The following KRT86 variants were observed in gnomAD, a reference collection of about 807,000 sequenced individuals.
KRT86 encodes the protein keratin, type II cuticular Hb6.
Under a neutral mutation model 41.2 loss-of-function variants are expected in KRT86, and 30 were observed. The ratio of observed to expected loss-of-function variants is 0.73; its 90% confidence interval spans 0.54 to 0.99. The LOEUF (loss-of-function observed/expected upper bound fraction) is 0.99. Among genes scored for constraint, KRT86 ranks in the 50% least tolerant of loss-of-function variants. The pLI, the probability that KRT86 is intolerant of heterozygous loss-of-function variation, is 0.00. For synonymous variants in KRT86, 238 were observed against 238.1 expected (o/e 1.00, Z 0.00); for missense variants, 561 against 571.4 (o/e 0.98, Z 0.19).
chr12:52,292,346 T>A (rs1484817133), intron 2 of KRT86, among the ~76,000 whole-genome samples: 1 of 152,254 alleles, frequency 6.6e-6, no homozygotes. Context: ...AAATTAACAA[T>A]AATTCCAAAG....
intron 2 of KRT86, among the ~76,000 whole-genome samples, chr12:52,300,974 C>T (rs1938358958): frequency 6.6e-6 from 1 of 152,116 alleles, no homozygotes; most frequent in Admixed American, 6.5e-5. Context: ...GCATGGGACA[C>T]TCTGAGGGAG....
At chr12:52,306,394 C>T (rs1251116906) in intron 9 of KRT86, 114 bp downstream of exon 9, 3 of 1,519,052 alleles carry the variant, frequency 2.0e-6, no homozygotes, top group African/African-American at 2.8e-5. Context: ...ACCCTGCAAC[C>T]AGACAGGTAA....
Position 52,306,124 on chromosome 12 carries a change from C to G in KRT86, c.1091C>G (p.Ala364Gly). Reference sequence around the variant, plus strand: ...CAGGGTGAGGCGGCCCTCAGCGATGCCCGCTGCAAGTTGGCCGAGCTGGAG... The same window carrying G: ...CAGGGTGAGGCGGCCCTCAGCGATGGCCGCTGCAAGTTGGCCGAGCTGGAG... ...EQQGEAALSD[A>G]RCKLAELEGA... Residue 364 changes from alanine (A) to glycine (G), a missense_variant, in exon 9 of 11, where the codon GCC (alanine) becomes GGC (glycine). By Grantham distance (60) the Ala-to-Gly change is moderately conservative. This residue lies in a region of KRT86 where 397 missense variants were observed against 375.9 expected (regional missense o/e 1.06). Coordinates refer to ENST00000423955, the MANE Select transcript of KRT86 (RefSeq NM_001320198.2). The G allele has an allele frequency of 6.2e-7, 1 of 1,614,026 alleles. No individual in the cohort carries two copies.
chr12:52,295,616 T>G (rs1438166544), intron 2 of KRT86, among the ~76,000 whole-genome samples: 1 of 152,184 alleles, frequency 6.6e-6, no homozygotes, highest in Non-Finnish European at 1.5e-5. Context: ...CTTGGCAAGC[T>G]TCCAGTATTA....
intron 2 of KRT86, among the ~76,000 whole-genome samples, chr12:52,283,523 G>T (rs1472754136): frequency 2.3e-5 from 3 of 130,270 alleles, no homozygotes; most frequent in Non-Finnish European, 4.7e-5. Context: ...TTGTTGCCCA[G>T]GCTGGAATGC....
intron 2 of KRT86, among the ~76,000 whole-genome samples, chr12:52,281,549 G>A (rs1428999552): frequency 6.6e-6 from 1 of 152,102 alleles, no homozygotes; most frequent in African/African-American, 2.4e-5. Flanking sequence ...GAGTCTAAAT[G>A]CAGTCCTTCC....
chr12:52,291,543 A>T, intron 2 of KRT86: 1 of 1,576,922 alleles, frequency 6.3e-7, no homozygotes, highest in Non-Finnish European at 8.6e-7. Context: ...TGTGCTCCTC[A>T]GGGCACCGCA....
chr12:52,291,347 C>A, intron 2 of KRT86: 1 of 1,581,410 alleles, frequency 6.3e-7, no homozygotes, highest in Non-Finnish European at 8.6e-7. Context: ...CCCGGTGAGG[C>A]CGCGGTAGCA....
At chr12:52,306,302 C>T (rs766412590) in intron 9 of KRT86, 22 bp downstream of exon 9, 2 of 1,613,058 alleles carry the variant, frequency 1.2e-6, no homozygotes, top group South Asian at 2.2e-5. Context: ...AGACCTTTCC[C>T]TTTCCCAGCC....
At chr12:52,286,579 C>T in intron 2 of KRT86, 1 of 1,395,160 alleles carries the variant, frequency 7.2e-7, no homozygotes. Flanking sequence ...GACCTGAGCT[C>T]TGGTATGAAA....
In KRT86 at chr12:52,302,112, C is replaced by A. The variant is rs758364190; in HGVS notation, c.196C>A (p.Arg66Ser). Reference protein sequence around the residue: ...AGSCGRSFGYRSGGVCGPSPP... With the variant: ...AGSCGRSFGYSSGGVCGPSPP... ...CTCCTGCGGACGCAGCTTCGGCTAC[C>A]GCTCCGGGGGCGTGTGCGGGCCCAG... Residue 66 changes from arginine to serine, a missense_variant, in exon 3 of 11, where the codon CGC (arginine) becomes AGC (serine). By Grantham distance (110) the Arg-to-Ser change is moderately radical (BLOSUM62 -1). Coordinates refer to ENST00000423955, the MANE Select transcript of KRT86 (RefSeq NM_001320198.2). The A allele has an allele frequency of 3.3e-5, 51 of 1,560,056 alleles. No individual in the cohort carries two copies. The highest frequency in any genetic ancestry group is 4.0e-5 in the Non-Finnish European group (46 of 1,153,968).
chr12:52,307,601 T>C (rs190786305), intron 9 of KRT86, among the ~76,000 whole-genome samples: 22 of 152,348 alleles, frequency 1.4e-4, no homozygotes, highest in Non-Finnish European at 2.8e-4. Flanking sequence ...TGTCATTGGA[T>C]ATGTCCTCCT....
chr12:52,291,539 C>A, intron 2 of KRT86: 1 of 1,585,622 alleles, frequency 6.3e-7, no homozygotes, highest in Non-Finnish European at 8.6e-7. Flanking sequence ...CCAATGTGCT[C>A]CTCAGGGCAC....
Position 52,308,253 on chromosome 12 carries a change from C to T in KRT86, c.1268C>T (p.Ser423Leu). ...EEQRLCEGVG[S>L]VNVCVSSSRG... The stretch of plus-strand genomic sequence containing the variant: ...TGCAGGCTGTGCGAGGGCGTCGGCT[C>T]GGTGAATGTCTGTAAGTAGTGGGGT... Residue 423 changes from serine to leucine, a missense_variant, in exon 10 of 11, where the codon TCG becomes TTG. By Grantham distance (145) the Ser-to-Leu change is moderately radical. This residue lies in a region of KRT86 where 397 missense variants were observed against 375.9 expected (regional missense o/e 1.06). Coordinates refer to ENST00000423955, the MANE Select transcript of KRT86 (RefSeq NM_001320198.2). The T allele has an allele frequency of 1.2e-6, 2 of 1,614,204 alleles. No homozygotes were observed. The highest frequency in any genetic ancestry group is 1.7e-6 in the Non-Finnish European group (2 of 1,180,038).
rs1938405160 is a variant in KRT86, at chr12:52,302,240, G to A, written c.324G>A (p.Glu108=). ...NAQCVKQEEK[E]QIKSLNSRFA... is the part of the protein sequence containing the mutation. The stretch of plus-strand genomic sequence containing the variant: ...AGTGCGTGAAGCAGGAGGAGAAGGA[G>A]CAGATCAAGTCCCTCAACAGCAGGT... Residue 108 remains glutamate (E), a synonymous_variant, in exon 3 of 11, where the codon GAG becomes GAA. Coordinates refer to ENST00000423955, the MANE Select transcript of KRT86 (RefSeq NM_001320198.2). The A allele has an allele frequency of 2.0e-6, 2 of 1,023,372 alleles. No homozygotes were observed. Among genetic ancestry groups the A allele is most frequent in the Non-Finnish European group, 2.8e-6 (2 of 725,326 alleles). 63.4% of individuals were successfully genotyped at this position (1,023,372 alleles called of 1,614,324 possible).
intron 5 of KRT86, among the ~76,000 whole-genome samples, chr12:52,304,682 AG>A (rs1203637442): frequency 1.7e-4 from 26 of 151,572 alleles, no homozygotes; most frequent in Admixed American, 9.8e-4. Context: ...AGGAGAGGGG[AG>A]AAAGGAGAGA....
intron 2 of KRT86, among the ~76,000 whole-genome samples, chr12:52,282,763 T>C (rs1172226075): frequency 6.6e-6 from 1 of 152,138 alleles, no homozygotes; most frequent in Non-Finnish European, 1.5e-5. Flanking sequence ...GACCCCTACC[T>C]CACCAGCACA....
intron 9 of KRT86, among the ~76,000 whole-genome samples, chr12:52,307,477 C>A (rs996013787): frequency 1.3e-5 from 2 of 152,214 alleles, no homozygotes; most frequent in African/African-American, 4.8e-5. Flanking sequence ...CTGATTTAAC[C>A]AATCCTTGGC....
rs749617252 is a variant in KRT86 at position 52,287,299 on chromosome 12, C to T, written c.-5+11353C>T. 6 of 1,614,048 alleles carry T rather than the reference C, an allele frequency of 3.7e-6. No homozygotes were observed. In the Admixed American group the frequency reaches 6.7e-5, roughly 18 times the overall value. On this transcript the variant is annotated intron_variant, in intron 2 of 10. Coordinates refer to ENST00000423955, the MANE Select transcript of KRT86 (RefSeq NM_001320198.2). ...CCTCACCCTGCTGCTCAGACTGGGC[C>T]ACCGCGGCCTCCAGCTTGGAGTTCT...
Sources: gnomAD v4.1 joint callset for allele counts (sites outside exome capture counted in the v4.1 genomes callset) on GRCh38, gnomAD v4.1.1 for gene constraint, gnomAD v4.1.1 regional missense constraint, MANE v1.5 for transcripts, NCBI Gene and HGNC (gene_info 2026-07-23, HGNC 2026-07-21) for gene names.